ORC5: variants seen among roughly 807,000 people sequenced by gnomAD.
The protein encoded by ORC5 is protein phosphatase 1, regulatory subunit 117.
In ORC5, 39 loss-of-function variants were observed where a neutral mutation model predicts 58.8. That is an observed-to-expected ratio of 0.66 (90% CI 0.51 to 0.87). ORC5 has a LOEUF of 0.87. Among genes scored for constraint, ORC5 ranks in the 40% least tolerant of loss-of-function variants. The pLI, the probability that ORC5 is intolerant of heterozygous loss-of-function variation, is 0.00. For missense variants in ORC5, 493 were observed against 506.3 expected, an observed-to-expected ratio of 0.97 and a Z score of 0.25; for synonymous variants, 218 against 177.6, an observed-to-expected ratio of 1.23 and a Z score of -1.81.
chr7:104,195,264 GAAAGAAATA>G lies in ORC5; in HGVS notation c.442-19_442-11del. ...TCACATTTCTGTCAGCCTGTAAAAA[GAAAGAAATA>G]AAAGTAACTTCGCATTTAAAAATCT... On this transcript the variant is annotated splice_polypyrimidine_tract_variant and intron_variant, in intron 4 of 13. Coordinates refer to ENST00000297431, the MANE Select transcript of ORC5 (RefSeq NM_002553.4). 1 of 1,474,464 alleles carries G rather than the reference GAAAGAAATA, an allele frequency of 6.8e-7. No individual in the cohort carries two copies. The highest frequency in any genetic ancestry group is 9.1e-7 in the Non-Finnish European group (1 of 1,096,138). The allele number at this position is 1,474,464 out of a possible 1,614,324, so 91.3% of individuals were successfully genotyped here.
At chr7:104,190,746 T>C (rs1799656279) in intron 5 of ORC5, among the ~76,000 whole-genome samples, 1 of 152,056 alleles carries the variant, frequency 6.6e-6, no homozygotes, top group Non-Finnish European at 1.5e-5. Flanking sequence ...TTAAACCTAG[T>C]TCCAGAGGGC....
At chr7:104,158,661 G>A (rs1798970606) in intron 12 of ORC5, among the ~76,000 whole-genome samples, 1 of 151,894 alleles carries the variant, frequency 6.6e-6, no homozygotes, top group African/African-American at 2.4e-5. Context: ...TCAAAAAGTG[G>A]GCGAAGGATA....
chr7:104,158,158 C>T (rs995600229), intron 12 of ORC5, among the ~76,000 whole-genome samples: 13 of 152,072 alleles, frequency 8.5e-5, no homozygotes, highest in African/African-American at 3.1e-4. Context: ...TTTCAACCTG[C>T]CCAATCTAGA....
chr7:104,132,757 T>C (rs975565167), intron 13 of ORC5, among the ~76,000 whole-genome samples: 4 of 152,192 alleles, frequency 2.6e-5, no homozygotes, highest in African/African-American at 9.7e-5. Context: ...GAACTCTAAT[T>C]ACTCAATTAT....
chr7:104,156,852 T>C (rs1389848203), intron 12 of ORC5, among the ~76,000 whole-genome samples: 2 of 151,942 alleles, frequency 1.3e-5, no homozygotes, highest in African/African-American at 4.8e-5. Flanking sequence ...TCAGCAAGTT[T>C]ATTTCCATTC....
At chr7:104,168,245 C>A in intron 9 of ORC5, 1 of 1,087,418 alleles carries the variant, frequency 9.2e-7, no homozygotes, top group Non-Finnish European at 1.2e-6. Flanking sequence ...ATGATATAAT[C>A]CAATATTTAG....
At chr7:104,127,070 TATTTTA>T (rs1400405699) in intron 13 of ORC5, among the ~76,000 whole-genome samples, 177 bp from the exon 14 acceptor site, 1 of 151,756 alleles carries the variant, frequency 6.6e-6, no homozygotes, top group Admixed American at 6.6e-5. Context: ...AGGAACACAA[TATTTTA>T]ATTTTTTTTT....
intron 8 of ORC5, among the ~76,000 whole-genome samples, chr7:104,169,129 C>T (rs1417951278): frequency 1.3e-5 from 2 of 152,002 alleles, no homozygotes; most frequent in Non-Finnish European, 2.9e-5. Flanking sequence ...ACCTACCACT[C>T]GGTAAAACTC....
rs376564897 is a variant in ORC5, at chr7:104,161,182, T to A, written c.1039A>T (p.Thr347Ser). The A allele has an allele frequency of 2.6e-6, 4 of 1,554,732 alleles. No individual in the cohort carries two copies. The highest frequency in any genetic ancestry group is 3.5e-6 in the Non-Finnish European group (4 of 1,127,582). The change falls in exon 12 of 14, where the codon ACA becomes TCA. Residue 347 changes from threonine to serine, a missense_variant and splice_region_variant. Coordinates refer to ENST00000297431, the MANE Select transcript of ORC5 (RefSeq NM_002553.4). The part of the protein sequence containing the change: ...KTNFLKKHEK[T>S]SNHLLGPKPF... ...TTTGGCCCAAGGAGATGATTGCTTG[T>A]CTGTAAAAAACAAAACAAAAACATG...
chr7:104,168,248 A>G (rs1388766617), intron 9 of ORC5: 2 of 1,099,300 alleles, frequency 1.8e-6, no homozygotes, highest in East Asian at 3.1e-5. Context: ...ATATAATCCA[A>G]TATTTAGAAA....
chr7:104,146,794 C>T (rs1433286004), intron 12 of ORC5, among the ~76,000 whole-genome samples: 2 of 152,010 alleles, frequency 1.3e-5, no homozygotes, highest in African/African-American at 2.4e-5. Flanking sequence ...TAGACATACA[C>T]AAAAGAATAC....
At chr7:104,177,199 G>A (rs1302372502) in intron 8 of ORC5, among the ~76,000 whole-genome samples, 3 of 152,056 alleles carry the variant, frequency 2.0e-5, no homozygotes, top group Non-Finnish European at 4.4e-5. Context: ...GATGAATGTA[G>A]GTGGCATAAA....
Position 104,136,153 on chromosome 7 carries a change from GC to G in ORC5, c.1262+627del, listed in dbSNP as rs1284829859. Among the ~76,000 whole-genome samples the G allele has an allele frequency of 6.6e-6, 1 of 152,046 alleles. No homozygotes were observed. Among genetic ancestry groups the G allele is most frequent in the African/African-American group, 2.4e-5 (1 of 41,388 alleles). On this transcript the variant is annotated intron_variant, in intron 13 of 13. Transcript: ENST00000297431. This position sits in a 1 kb window ranked among gnomAD's most constrained non-coding sequence, Gnocchi z 4.2. ...TTAGCTTCATTCATTTTGCACGACAGCCCCTGAAACACTTAAGACAGTTCAC... is the reference window on the plus strand; with the variant it reads ...TTAGCTTCATTCATTTTGCACGACAGCCCTGAAACACTTAAGACAGTTCAC...
At chr7:104,158,716 C>T (rs997904386) in intron 12 of ORC5, among the ~76,000 whole-genome samples, 3 of 151,710 alleles carry the variant, frequency 2.0e-5, no homozygotes, top group African/African-American at 7.3e-5. Flanking sequence ...AGCCAAAACA[C>T]ACATGAAAAA....
intron 12 of ORC5, among the ~76,000 whole-genome samples, chr7:104,152,986 A>G (rs1798869932): frequency 6.6e-6 from 1 of 152,208 alleles, no homozygotes; most frequent in South Asian, 2.1e-4. Flanking sequence ...CAAAGTGATT[A>G]CACTAAGAAA....
At chr7:104,171,399 G>A (rs1799208672) in intron 8 of ORC5, among the ~76,000 whole-genome samples, 1 of 152,114 alleles carries the variant, frequency 6.6e-6, no homozygotes, top group Admixed American at 6.5e-5. Context: ...TTGCGGAATG[G>A]CACAATTACT....
At position 104,208,007 on chromosome 7, in the gene ORC5, C is replaced by G; in HGVS notation, c.-103G>C. ...GGCGGCCCACGCTCCCGCCGGAAAC[C>G]GGACCCGCAGCGTCGTGGGAGGAGC... is the stretch of plus-strand genomic sequence containing the variant. On this transcript the variant is annotated 5_prime_UTR_variant, in exon 1 of 14. Transcript: ENST00000297431. The G allele has an allele frequency of 1.8e-6, 2 of 1,135,026 alleles. No individual in the cohort carries two copies. The highest frequency in any genetic ancestry group is 1.9e-5 in the Admixed American group (1 of 52,328). 70.3% of individuals were successfully genotyped at this position (1,135,026 alleles called of 1,614,324 possible).
intron 8 of ORC5, among the ~76,000 whole-genome samples, chr7:104,177,149 G>A (rs6975834): frequency 0.67 from 102,497 of 152,114 alleles, 35,248 homozygotes; most frequent in Non-Finnish European, 0.75. Flanking sequence ...CTCAGTTTTC[G>A]TAAGAAATCT....
chr7:104,206,861 C>G (rs1800099289), intron 1 of ORC5, among the ~76,000 whole-genome samples: 1 of 152,176 alleles, frequency 6.6e-6, no homozygotes, highest in Non-Finnish European at 1.5e-5. Context: ...TATAGTAGCA[C>G]CGCTGTAGAG....
Sources: allele counts gnomAD v4.1 joint callset (sites outside exome capture counted in the v4.1 genomes callset), GRCh38; gene constraint gnomAD v4.1.1; non-coding constraint Gnocchi (gnomAD v3.1); transcripts MANE v1.5; gene names NCBI Gene and HGNC (gene_info 2026-07-23, HGNC 2026-07-21).